The following UNKL variants were observed in gnomAD, a reference collection of about 807,000 sequenced individuals.
UNKL encodes putative E3 ubiquitin-protein ligase UNKL.
A neutral mutation model predicts 78.0 loss-of-function variants in UNKL; 60 were observed. The observed-to-expected ratio is 0.77, with a 90% CI of 0.63 to 0.95. The LOEUF is 0.95. Ranked by LOEUF, UNKL falls within the 40% of genes least tolerant of loss-of-function variation. The pLI is 0.00. For missense variants in UNKL, 1,159 were observed against 1,045.7 expected (o/e 1.11, Z -1.49); for synonymous variants, 608 against 474.8 (o/e 1.28, Z -3.65).
intron 9 of UNKL, among the ~76,000 whole-genome samples, chr16:1,389,780 C>G (rs1449071099): frequency 2.0e-5 from 3 of 152,186 alleles, no homozygotes; most frequent in Non-Finnish European, 2.9e-5. Flanking sequence ...GACTCAGCCC[C>G]CAGAACTGAG....
intron 10 of UNKL, among the ~76,000 whole-genome samples, chr16:1,381,344 G>A (rs1291817427): frequency 1.3e-5 from 2 of 152,250 alleles, no homozygotes; most frequent in East Asian, 3.8e-4. Flanking sequence ...AAGTGACCGG[G>A]TGTGGTGGCT....
chr16:1,383,715 CAT>C (rs2036697661), intron 10 of UNKL: 1 of 403,186 alleles, frequency 2.5e-6, no homozygotes, highest in Non-Finnish European at 5.2e-6. Flanking sequence ...GGGCAAGAGT[CAT>C]TGCGGGTCTG....
intron 4 of UNKL, among the ~76,000 whole-genome samples, chr16:1,400,417 C>CAAAAAAAAAAAAAAA (rs56093103): frequency 6.5e-5 from 2 of 30,760 alleles, no homozygotes; most frequent in African/African-American, 1.8e-4. Context: ...GACTCCATCT[C>CAAAAAAAAAAAAAAA]AAAAAAAAAA....
At chr16:1,382,102 T>A (rs1314938587) in intron 10 of UNKL, among the ~76,000 whole-genome samples, 1 of 152,190 alleles carries the variant, frequency 6.6e-6, no homozygotes, top group East Asian at 1.9e-4. Context: ...AGGAACAACA[T>A]GTACGCCCTA....
intron 10 of UNKL, 44 bp from the exon 11 acceptor site, chr16:1,371,655 C>T (rs1398438347): frequency 6.5e-7 from 1 of 1,527,838 alleles, no homozygotes; most frequent in East Asian, 2.4e-5. Context: ...CCCAGCGCTG[C>T]AGAGCTCAGG....
chr16:1,397,922 G>A (rs865907339), intron 5 of UNKL, among the ~76,000 whole-genome samples: 21 of 152,374 alleles, frequency 1.4e-4, no homozygotes, highest in African/African-American at 4.3e-4. Flanking sequence ...GGGCCCTGGA[G>A]TGACAGGCAA....
intron 4 of UNKL, among the ~76,000 whole-genome samples, chr16:1,401,177 G>A (rs548071948): frequency 6.1e-5 from 9 of 148,106 alleles, no homozygotes; most frequent in Admixed American, 1.3e-4. Context: ...GGCTCTGCTG[G>A]GCATCCTGGT....
At chr16:1,378,725 G>A (rs1160959324) in intron 10 of UNKL, among the ~76,000 whole-genome samples, 1 of 152,082 alleles carries the variant, frequency 6.6e-6, no homozygotes, top group Non-Finnish European at 1.5e-5. Flanking sequence ...GCGTGTGGGT[G>A]CCCCCGAGAG....
At chr16:1,372,749 C>T (rs973045149) in intron 10 of UNKL, among the ~76,000 whole-genome samples, 6 of 152,226 alleles carry the variant, frequency 3.9e-5, no homozygotes, top group Admixed American at 1.3e-4. Flanking sequence ...CTGGGATACA[C>T]CCTGTGGGCC....
chr16:1,367,765 GAGGATGGGGGGCCGGCACTC>G lies in UNKL; in HGVS notation c.1659_1678del (p.Ser554PhefsTer9). On this transcript the variant is annotated frameshift_variant, in exon 13 of 15. Transcript: ENST00000389221. LOFTEE classifies it high-confidence loss of function. ...AGCTCCGTTTGGACTTGCACTCGAAGAGGATGGGGGGCCGGCACTCAGGATGGGGGAGGGGCTGGGGGAGA... is the reference window on the plus strand; with the variant it reads ...AGCTCCGTTTGGACTTGCACTCGAAGAGGATGGGGGAGGGGCTGGGGGAGA... 2 of 1,573,926 alleles carry G rather than the reference GAGGATGGGGGGCCGGCACTC, an allele frequency of 1.3e-6. No homozygotes were observed. The highest frequency in any genetic ancestry group is 1.7e-6 in the Non-Finnish European group (2 of 1,160,308).
chr16:1,404,524 G>C (rs1460252916), intron 2 of UNKL, among the ~76,000 whole-genome samples: 1 of 152,198 alleles, frequency 6.6e-6, no homozygotes, highest in Non-Finnish European at 1.5e-5. Flanking sequence ...AAGAAGGGGT[G>C]CCTGGCTGGC....
At chr16:1,370,990 G>A (rs2035774838) in intron 11 of UNKL, among the ~76,000 whole-genome samples, 1 of 151,802 alleles carries the variant, frequency 6.6e-6, no homozygotes, top group African/African-American at 2.4e-5. Context: ...GGCTGAGGCA[G>A]GAGAATGGCG....
At chr16:1,411,270 G>A (rs981703593) in intron 2 of UNKL, among the ~76,000 whole-genome samples, 4 of 152,166 alleles carry the variant, frequency 2.6e-5, no homozygotes, top group Admixed American at 2.6e-4. Context: ...AGAATCACTT[G>A]AGCCCAGGAG....
intron 14 of UNKL, 147 bp from the exon 15 acceptor site, chr16:1,366,542 A>C: frequency 9.3e-7 from 1 of 1,071,556 alleles, no homozygotes. Flanking sequence ...CGCCCCAGCC[A>C]GGGCCACCTC....
At chr16:1,396,759 G>A (rs141908055) in intron 6 of UNKL, among the ~76,000 whole-genome samples, 5,235 of 151,968 alleles carry the variant, frequency 0.034, 143 homozygotes, top group Non-Finnish European at 0.055. Flanking sequence ...ACGCCTGGCT[G>A]ATTTTTTGCA....
intron 10 of UNKL, among the ~76,000 whole-genome samples, chr16:1,377,000 T>C (rs547566456): frequency 1.3e-5 from 2 of 151,822 alleles, no homozygotes; most frequent in South Asian, 4.2e-4. Context: ...ACGCCTGGGG[T>C]TCAGGTGCAT....
chr16:1,404,282 C>T (rs2037654865), intron 2 of UNKL, among the ~76,000 whole-genome samples: 1 of 152,224 alleles, frequency 6.6e-6, no homozygotes, highest in Non-Finnish European at 1.5e-5. Context: ...CCAGCTCCAA[C>T]TGGGGAGCTC....
intron 14 of UNKL, 24 bp from the exon 15 acceptor site, chr16:1,366,419 G>C (rs1311530621): frequency 1.3e-6 from 2 of 1,554,764 alleles, no homozygotes; most frequent in African/African-American, 1.4e-5. Context: ...ACAATGACGG[G>C]CTCAGGAGGC....
At position 1,394,277 on chromosome 16, in the gene UNKL, G is replaced by A. The variant is rs918927938; in HGVS notation, c.853-62C>T. Reference sequence around the variant, plus strand: ...AATGGGATTCTGTGGAAAGACCACAGCTGGCATCATCCCAAGGGAGAGGAT... The same window carrying A: ...AATGGGATTCTGTGGAAAGACCACAACTGGCATCATCCCAAGGGAGAGGAT... On this transcript the variant is annotated intron_variant, in intron 6 of 14. Transcript: ENST00000389221. The A allele has an allele frequency of 6.6e-6, 10 of 1,519,382 alleles. No individual in the cohort carries two copies. The African/African-American group carries it at 1.1e-4, about 17-fold the overall frequency. The allele number at this position is 1,519,382 out of a possible 1,614,324, so 94.1% of individuals were successfully genotyped here.
Sources: gnomAD v4.1 joint callset for allele counts (sites outside exome capture counted in the v4.1 genomes callset) on GRCh38, gnomAD v4.1.1 for gene constraint, MANE v1.5 for transcripts, NCBI Gene and HGNC (gene_info 2026-07-23, HGNC 2026-07-21) for gene names.